VRK2: variants seen among roughly 807,000 people sequenced by gnomAD.
VRK2 encodes VRK serine/threonine kinase 2.
A neutral mutation model predicts 57.6 loss-of-function variants in VRK2; 60 were observed. The observed-to-expected ratio is 1.04, with a 90% CI of 0.85 to 1.29. The LOEUF (loss-of-function observed/expected upper bound fraction) is 1.29, where lower values mean the gene tolerates loss of function less well. VRK2 is among the 50% of genes most tolerant of loss of function. The probability of loss-of-function intolerance (pLI) is 0.00; values close to 1 mark genes in which losing one functional copy is unlikely to be tolerated. For synonymous variants in VRK2, 231 were observed against 199.2 expected (o/e 1.16, Z -1.35); for missense variants, 705 against 588.1 (o/e 1.20, Z -2.06).
intron 3 of VRK2, among the ~76,000 whole-genome samples, chr2:58,035,327 T>C (rs1674240466): frequency 6.6e-6 from 1 of 152,014 alleles, no homozygotes; most frequent in Non-Finnish European, 1.5e-5. Flanking sequence ...CCCAGAAGTT[T>C]TCAGAGATTT....
At chr2:58,117,108 A>T (rs1676637873) in intron 7 of VRK2, among the ~76,000 whole-genome samples, 1 of 152,152 alleles carries the variant, frequency 6.6e-6, no homozygotes, top group African/African-American at 2.4e-5. Context: ...CAGATTGGGT[A>T]ATAAAATGTA....
At chr2:58,150,424 C>A (rs1438492095) in intron 12 of VRK2, among the ~76,000 whole-genome samples, 1 of 151,378 alleles carries the variant, frequency 6.6e-6, no homozygotes, top group East Asian at 1.9e-4. Context: ...CCTTTATCAT[C>A]ACCAATATCT....
At chr2:57,941,544 A>G (rs545664870) in intron 1 of VRK2, among the ~76,000 whole-genome samples, 1 of 152,336 alleles carries the variant, frequency 6.6e-6, no homozygotes, top group East Asian at 1.9e-4. Context: ...CACCTTTTCT[A>G]TATCGATCAA....
rs145588714 is a variant in VRK2 at position 58,036,732 on chromosome 2, GTAGT to G, written c.-6+3184_-6+3187del. On this transcript the variant is annotated intron_variant, in intron 3 of 15. Coordinates refer to the VRK2 transcript ENST00000417641. ...TATTCTGTGTGGTTATCACACACAA[GTAGT>G]TAGTGTCAGCCTCCTGCTCAAGTCT... Among the ~76,000 whole-genome samples the G allele has an allele frequency of 3.5e-3, 535 of 152,076 alleles. 3 individuals carry two copies. The highest frequency in any genetic ancestry group is 0.011 in the African/African-American group (474 of 41,510).
At chr2:58,089,360 A>C (rs758851003) in intron 6 of VRK2, among the ~76,000 whole-genome samples, 1 of 152,176 alleles carries the variant, frequency 6.6e-6, no homozygotes, top group Non-Finnish European at 1.5e-5. Context: ...CTACTGGGCT[A>C]TCAGGAATTA....
chr2:58,082,647 A>G (rs1671055207), intron 2 of VRK2, among the ~76,000 whole-genome samples: 1 of 151,928 alleles, frequency 6.6e-6, no homozygotes, highest in South Asian at 2.1e-4. Flanking sequence ...AAGAAAGTAG[A>G]TCTGGCTAAT....
intron 1 of VRK2, among the ~76,000 whole-genome samples, chr2:57,988,305 A>C (rs1043705368): frequency 6.6e-6 from 1 of 152,102 alleles, no homozygotes; most frequent in African/African-American, 2.4e-5. Flanking sequence ...ACTTCTTGAG[A>C]TATTTTATCT....
chr2:57,948,238 T>G (rs998217261), intron 1 of VRK2, among the ~76,000 whole-genome samples: 1 of 152,206 alleles, frequency 6.6e-6, no homozygotes, highest in Non-Finnish European at 1.5e-5. Context: ...GATCCAGCAT[T>G]AGGAAAGTCT....
At chr2:58,068,130 A>G (rs546962806) in intron 2 of VRK2, among the ~76,000 whole-genome samples, 2 of 152,036 alleles carry the variant, frequency 1.3e-5, no homozygotes, top group African/African-American at 2.4e-5. Context: ...AGGTTTCACC[A>G]TGTTGCCCAG....
At chr2:58,109,886 T>C in intron 7 of VRK2, among the ~76,000 whole-genome samples, 1 of 152,150 alleles carries the variant, frequency 6.6e-6, no homozygotes, top group East Asian at 1.9e-4. Context: ...TATTTGGAGA[T>C]GGGGTCTTAC....
At chr2:57,933,777 T>C (rs1670817010) in intron 1 of VRK2, among the ~76,000 whole-genome samples, 1 of 152,196 alleles carries the variant, frequency 6.6e-6, no homozygotes, top group Admixed American at 6.5e-5. Flanking sequence ...TTCAATGTTT[T>C]CTGGCTGCTG....
At chr2:57,931,432 C>G (rs1452460408) in intron 1 of VRK2, among the ~76,000 whole-genome samples, 1 of 152,104 alleles carries the variant, frequency 6.6e-6, no homozygotes, top group African/African-American at 2.4e-5. Flanking sequence ...TGAGGAATAT[C>G]TATTCAGATC....
chr2:58,122,276 A>G (rs1050291437), intron 7 of VRK2, among the ~76,000 whole-genome samples: 2 of 152,204 alleles, frequency 1.3e-5, no homozygotes, highest in African/African-American at 4.8e-5. Flanking sequence ...TGCCAGGGTT[A>G]GGGGTGCTGA....
intron 2 of VRK2, among the ~76,000 whole-genome samples, chr2:58,081,523 T>A (rs1268450176): frequency 6.6e-6 from 1 of 151,998 alleles, no homozygotes; most frequent in Non-Finnish European, 1.5e-5. Flanking sequence ...TTCTTTGTTA[T>A]CTTCTTTGCT....
chr2:58,061,378 C>G (rs769477418), intron 2 of VRK2, among the ~76,000 whole-genome samples: 1 of 151,524 alleles, frequency 6.6e-6, no homozygotes, highest in Non-Finnish European at 1.5e-5. Flanking sequence ...AAGTAACTGG[C>G]CAAAGACAGC....
intron 2 of VRK2, among the ~76,000 whole-genome samples, chr2:58,076,801 C>A (rs1046623859): frequency 4.0e-5 from 6 of 151,640 alleles, no homozygotes; most frequent in African/African-American, 1.5e-4. Context: ...AAAGAGAAAT[C>A]TTGAATATCA....
chr2:58,077,991 T>C (rs1670365254), intron 2 of VRK2, among the ~76,000 whole-genome samples: 1 of 152,158 alleles, frequency 6.6e-6, no homozygotes, highest in African/African-American at 2.4e-5. Flanking sequence ...TTCAGAATCC[T>C]TGTCTTTGGT....
chr2:57,957,561 T>G (rs1207668200), intron 1 of VRK2, among the ~76,000 whole-genome samples: 5 of 148,816 alleles, frequency 3.4e-5, no homozygotes, highest in Non-Finnish European at 5.9e-5. Context: ...CAAAAGTATA[T>G]GTAGATATAT....
intron 1 of VRK2, among the ~76,000 whole-genome samples, chr2:57,963,626 C>T (rs1422474071): frequency 6.6e-6 from 1 of 152,160 alleles, no homozygotes; most frequent in Non-Finnish European, 1.5e-5. Context: ...AATTTCTGAA[C>T]ATCATCTGAA....
Sources: allele counts gnomAD v4.1 joint callset (sites outside exome capture counted in the v4.1 genomes callset), GRCh38; gene constraint gnomAD v4.1.1; transcripts MANE v1.5; gene names NCBI Gene and HGNC (gene_info 2026-07-23, HGNC 2026-07-21).